Variants in ARHGAP24 observed in about 807,000 individuals in gnomAD.
ARHGAP24 encodes rho GTPase-activating protein 24.
ARHGAP24 carries 50 observed loss-of-function variants against 76.4 expected under a neutral mutation model. The observed-to-expected ratio is 0.65, with a 90% CI of 0.52 to 0.83. The LOEUF (loss-of-function observed/expected upper bound fraction) is 0.83. Ranked by LOEUF, ARHGAP24 falls within the 40% of genes least tolerant of loss-of-function variation. The pLI, the probability that ARHGAP24 is intolerant of heterozygous loss-of-function variation, is 0.00. For missense variants in ARHGAP24, 930 were observed against 914.2 expected (o/e 1.02, Z -0.22); for synonymous variants, 345 against 323.3 (o/e 1.07, Z -0.72).
At chr4:85,615,981 G>A (rs370717946) in intron 2 of ARHGAP24, among the ~76,000 whole-genome samples, 1 of 152,110 alleles carries the variant, frequency 6.6e-6, no homozygotes, top group Non-Finnish European at 1.5e-5. Context: ...TTGAACAAAG[G>A]CCAGCTTGTT....
intron 3 of ARHGAP24, among the ~76,000 whole-genome samples, chr4:85,763,088 A>G (rs1227455795): frequency 6.6e-6 from 1 of 152,192 alleles, no homozygotes; most frequent in Non-Finnish European, 1.5e-5. Context: ...TATTTTGGAT[A>G]TATATCCACT....
intron 2 of ARHGAP24, among the ~76,000 whole-genome samples, chr4:85,684,760 T>C (rs1282254857): frequency 6.6e-6 from 1 of 152,208 alleles, no homozygotes; most frequent in Non-Finnish European, 1.5e-5. Flanking sequence ...AAAGCCTTTT[T>C]ATTTAGTTGT....
chr4:85,863,319 A>G (rs1162883093), intron 3 of ARHGAP24, among the ~76,000 whole-genome samples: 3 of 152,098 alleles, frequency 2.0e-5, no homozygotes, highest in African/African-American at 7.2e-5. Flanking sequence ...GCAGGCTGCC[A>G]TGCCATTATT....
chr4:85,583,527 C>T (rs1727699757), intron 2 of ARHGAP24, among the ~76,000 whole-genome samples: 1 of 152,034 alleles, frequency 6.6e-6, no homozygotes, highest in African/African-American at 2.4e-5. Context: ...AGGACATAGG[C>T]ATGGGCAAGG....
At chr4:85,981,080 A>G (rs1158506883) in intron 8 of ARHGAP24, among the ~76,000 whole-genome samples, 1 of 152,222 alleles carries the variant, frequency 6.6e-6, no homozygotes, top group African/African-American at 2.4e-5. Context: ...GGCTGTCTGT[A>G]TAAAGCACTT....
At chr4:85,798,461 A>C (rs1728454429) in intron 3 of ARHGAP24, among the ~76,000 whole-genome samples, 1 of 152,156 alleles carries the variant, frequency 6.6e-6, no homozygotes, top group Non-Finnish European at 1.5e-5. Context: ...TGATTACCAT[A>C]GTGGTTTCAC....
At chr4:85,785,739 C>T (rs1727807470) in intron 3 of ARHGAP24, among the ~76,000 whole-genome samples, 1 of 152,112 alleles carries the variant, frequency 6.6e-6, no homozygotes, top group Non-Finnish European at 1.5e-5. Context: ...ATTTAAGAAT[C>T]CATCAGTGCC....
intron 1 of ARHGAP24, among the ~76,000 whole-genome samples, chr4:85,493,102 T>G (rs1469068977): frequency 6.6e-6 from 1 of 152,220 alleles, no homozygotes; most frequent in Non-Finnish European, 1.5e-5. Flanking sequence ...ATTAGGGCTG[T>G]CCCCTTCTCA....
chr4:85,698,249 A>G (rs1159044528), intron 2 of ARHGAP24, among the ~76,000 whole-genome samples: 1 of 152,148 alleles, frequency 6.6e-6, no homozygotes, highest in Non-Finnish European at 1.5e-5. Context: ...TAGTCATTTG[A>G]TGGACTGCTG....
intron 2 of ARHGAP24, among the ~76,000 whole-genome samples, chr4:85,646,599 C>A (rs1721729995): frequency 6.6e-6 from 1 of 152,036 alleles, no homozygotes; most frequent in African/African-American, 2.4e-5. Flanking sequence ...AAATTGTATT[C>A]ATAGACCCTC....
Position 85,625,088 on chromosome 4 carries a change from C to T in ARHGAP24, c.180+54367C>T, listed in dbSNP as rs191247881. Among the ~76,000 whole-genome samples the T allele has an allele frequency of 3.5e-3, 531 of 152,142 alleles. 4 individuals are homozygous for T. The highest frequency in any genetic ancestry group is 0.012 in the African/African-American group (497 of 41,516). On this transcript the variant is annotated intron_variant, in intron 2 of 9. Coordinates refer to ENST00000395184, the MANE Select transcript of ARHGAP24 (RefSeq NM_001025616.3). The stretch of plus-strand genomic sequence containing the variant: ...CTATTTCCTTCAGTTCTGCTCTGAT[C>T]TTAGTTATTTCTTGCCTTCTGCTAG...
chr4:85,903,082 G>T (rs756710274), intron 3 of ARHGAP24, among the ~76,000 whole-genome samples: 21 of 152,180 alleles, frequency 1.4e-4, no homozygotes, highest in Non-Finnish European at 2.2e-4. Flanking sequence ...AACTGAGAAT[G>T]GAATTGGAAA....
At chr4:85,821,130 A>T (rs1440071871) in intron 3 of ARHGAP24, among the ~76,000 whole-genome samples, 2 of 152,176 alleles carry the variant, frequency 1.3e-5, no homozygotes, top group Admixed American at 6.5e-5. Context: ...CTACCCATGA[A>T]AAAGATTGGA....
intron 5 of ARHGAP24, among the ~76,000 whole-genome samples, chr4:85,969,479 T>C (rs954223747): frequency 6.6e-6 from 1 of 152,030 alleles, no homozygotes; most frequent in Non-Finnish European, 1.5e-5. Context: ...ATTTATTTTA[T>C]ATTTTATTTT....
chr4:85,739,199 C>T (rs1725724642), intron 3 of ARHGAP24, among the ~76,000 whole-genome samples: 1 of 152,202 alleles, frequency 6.6e-6, no homozygotes, highest in Admixed American at 6.5e-5. Flanking sequence ...CCTCCCTCTC[C>T]CCTGCCTCCC....
intron 3 of ARHGAP24, among the ~76,000 whole-genome samples, chr4:85,733,773 G>C (rs1312442206): frequency 6.6e-6 from 1 of 151,946 alleles, no homozygotes; most frequent in Non-Finnish European, 1.5e-5. Flanking sequence ...TTCTTATAAG[G>C]ACATCAGTTG....
At chr4:85,529,797 T>C (rs1044146392) in intron 1 of ARHGAP24, among the ~76,000 whole-genome samples, 1 of 152,014 alleles carries the variant, frequency 6.6e-6, no homozygotes, top group East Asian at 1.9e-4. Flanking sequence ...TTCTCCTGAG[T>C]TGTGTATCCC....
chr4:85,646,771 G>C (rs2109976106), intron 2 of ARHGAP24, among the ~76,000 whole-genome samples: 1 of 152,200 alleles, frequency 6.6e-6, no homozygotes, highest in Non-Finnish European at 1.5e-5. Flanking sequence ...CCATAGTGCT[G>C]TTCAGAGGCT....
At chr4:85,479,100 A>C (rs1442369025) in intron 1 of ARHGAP24, among the ~76,000 whole-genome samples, 1 of 152,204 alleles carries the variant, frequency 6.6e-6, no homozygotes, top group Non-Finnish European at 1.5e-5. Context: ...CCAACTTATG[A>C]AGATAGTTAT....
Sources: gnomAD v4.1 joint callset for allele counts (sites outside exome capture counted in the v4.1 genomes callset) on GRCh38, gnomAD v4.1.1 for gene constraint, MANE v1.5 for transcripts, NCBI Gene and HGNC (gene_info 2026-07-23, HGNC 2026-07-21) for gene names.